ROR2: variants seen among roughly 807,000 people sequenced by gnomAD.
The protein encoded by ROR2 is tyrosine-protein kinase transmembrane receptor ROR2.
A neutral mutation model predicts 74.9 loss-of-function variants in ROR2; 33 were observed. The observed-to-expected ratio is 0.44, with a 90% CI of 0.33 to 0.59. The LOEUF (loss-of-function observed/expected upper bound fraction) is 0.59, where lower values mean the gene tolerates loss of function less well. Among genes scored for constraint, ROR2 ranks in the 20% least tolerant of loss-of-function variants. The probability of loss-of-function intolerance (pLI) is 0.02; values close to 1 mark genes in which losing one functional copy is unlikely to be tolerated. For synonymous variants in ROR2, 586 were observed against 558.7 expected (o/e 1.05, Z -0.69); for missense variants, 1,216 against 1,313.8 (o/e 0.93, Z 1.15).
At position 91,949,886 on chromosome 9, in the gene ROR2, G is replaced by T; in HGVS notation, c.78C>A (p.Leu26=). ...PAVWAAAALL[L]SVSRTSGEVE... ...TCCTACCTGAAGTCCGGGACACTGA[G>T]AGCAGAAGCGCGGCGGCCGCCCAGA... The change falls in exon 1 of 9, where the codon CTC becomes CTA. Residue 26 remains leucine, a synonymous_variant. Coordinates refer to ENST00000375708, the MANE Select transcript of ROR2 (RefSeq NM_004560.4). The T allele has an allele frequency of 6.5e-7, 1 of 1,540,868 alleles. No homozygotes were observed. The highest frequency in any genetic ancestry group is 1.2e-5 in the South Asian group (1 of 83,768).
At chr9:91,930,544 T>G (rs1831523645) in intron 1 of ROR2, among the ~76,000 whole-genome samples, 1 of 152,198 alleles carries the variant, frequency 6.6e-6, no homozygotes, top group Non-Finnish European at 1.5e-5. Flanking sequence ...CAGAAGTAAA[T>G]GTGCCTTGCT....
At chr9:91,785,304 CCT>C (rs1283833378) in intron 1 of ROR2, among the ~76,000 whole-genome samples, 1 of 152,212 alleles carries the variant, frequency 6.6e-6, no homozygotes, top group Admixed American at 6.5e-5. Flanking sequence ...GTTTCAGGCC[CCT>C]GTTTCAATGT....
chr9:91,893,830 C>A (rs1354186086), intron 1 of ROR2, among the ~76,000 whole-genome samples: 2 of 152,152 alleles, frequency 1.3e-5, no homozygotes, highest in African/African-American at 2.4e-5. Flanking sequence ...AGACTTTTTA[C>A]CCAAAATAGC....
chr9:91,844,045 C>T (rs1296268648), intron 1 of ROR2, among the ~76,000 whole-genome samples: 2 of 152,208 alleles, frequency 1.3e-5, no homozygotes, highest in African/African-American at 4.8e-5. Context: ...TTTTTCATCC[C>T]TGCAGCGGGG....
intron 2 of ROR2, among the ~76,000 whole-genome samples, chr9:91,764,475 G>C (rs1587697087): frequency 6.6e-6 from 1 of 151,526 alleles, no homozygotes; most frequent in East Asian, 1.9e-4. Context: ...TAAGTGGCTA[G>C]CTTAACTACT....
At position 91,723,122 on chromosome 9, in the gene ROR2, AG is replaced by A; in HGVS notation, c.*539del. 1 of 160,480 alleles carries A rather than the reference AG, an allele frequency of 6.2e-6. No individual in the cohort carries two copies. Among genetic ancestry groups the A allele is most frequent in the Non-Finnish European group, 1.4e-5 (1 of 72,680 alleles). 9.9% of individuals were successfully genotyped at this position (160,480 alleles called of 1,614,324 possible). On this transcript the variant is annotated 3_prime_UTR_variant, in exon 9 of 9. Coordinates refer to ENST00000375708, the MANE Select transcript of ROR2 (RefSeq NM_004560.4). ...GTCTTCCGACCCCAACAGGCAGCAG[AG>A]GGCAGCCTCCGTTCCAGCGAATCTT...
intron 1 of ROR2, among the ~76,000 whole-genome samples, chr9:91,820,744 T>C (rs1828115628): frequency 6.6e-6 from 1 of 152,204 alleles, no homozygotes; most frequent in Admixed American, 6.5e-5. Context: ...TTAGGGTCTT[T>C]GCAAAGTTAA....
chr9:91,866,049 A>G (rs80173338), intron 1 of ROR2, among the ~76,000 whole-genome samples: 10,838 of 152,274 alleles, frequency 0.071, 452 homozygotes, highest in Middle Eastern at 0.13. Flanking sequence ...TGAAACAGTC[A>G]AAGAAGAAAT....
chr9:91,784,053 C>T (rs868633819), intron 1 of ROR2, among the ~76,000 whole-genome samples: 2 of 152,138 alleles, frequency 1.3e-5, no homozygotes, highest in African/African-American at 2.4e-5. Context: ...TCAGAAATCC[C>T]GCCACCTGCT....
intron 1 of ROR2, among the ~76,000 whole-genome samples, chr9:91,809,517 G>A (rs1827676110): frequency 6.6e-6 from 1 of 152,176 alleles, no homozygotes; most frequent in Non-Finnish European, 1.5e-5. Context: ...CTCTTAATAA[G>A]CCACTGACCC....
At chr9:91,865,170 C>T (rs1829591107) in intron 1 of ROR2, among the ~76,000 whole-genome samples, 1 of 152,126 alleles carries the variant, frequency 6.6e-6, no homozygotes, top group African/African-American at 2.4e-5. Flanking sequence ...GAGATCTCCA[C>T]GAGTTCTTTC....
At chr9:91,893,219 G>A (rs1019137652) in intron 1 of ROR2, among the ~76,000 whole-genome samples, 1 of 152,088 alleles carries the variant, frequency 6.6e-6, no homozygotes, top group African/African-American at 2.4e-5. Context: ...GGCTGAAGCT[G>A]GGCATGGTGG....
Position 91,926,543 on chromosome 9 carries a change from C to CAAAAAAAAAA in ROR2, c.97+23314_97+23323dup, listed in dbSNP as rs34550588. Reference sequence around the variant, plus strand: ...CCTGGGCGACAGAATGACTCCATCTCAAAAAAAAAAAAAAAAAGAAGACAT... The same window carrying CAAAAAAAAAA: ...CCTGGGCGACAGAATGACTCCATCTCAAAAAAAAAAAAAAAAAAAAAAAAAAAGAAGACAT... On this transcript the variant is annotated intron_variant, in intron 1 of 8. Coordinates refer to ENST00000375708, the MANE Select transcript of ROR2 (RefSeq NM_004560.4). 1.4e-3 allele frequency among the ~76,000 whole-genome samples: 144 copies of CAAAAAAAAAA among 101,046 alleles called. 3 individuals carry two copies. Among genetic ancestry groups the CAAAAAAAAAA allele is most frequent in the East Asian group, 3.2e-3 (11 of 3,456 alleles). 66.3% of individuals were successfully genotyped at this position (101,046 alleles called of 152,430 possible). A position where few individuals can be genotyped will look rare whatever the true frequency, so the allele number is the denominator to read the frequency against.
intron 1 of ROR2, among the ~76,000 whole-genome samples, chr9:91,895,231 T>C (rs1459813626): frequency 6.6e-6 from 1 of 152,220 alleles, no homozygotes; most frequent in African/African-American, 2.4e-5. Flanking sequence ...TATGGAGTCA[T>C]GTGATTGCCA....
At position 91,733,084 on chromosome 9, in the gene ROR2, GC is replaced by G. The variant is rs1564237590; in HGVS notation, c.937+37del. The G allele has an allele frequency of 3.2e-6, 5 of 1,541,628 alleles. No individual in the cohort carries two copies. The highest frequency in any genetic ancestry group is 1.4e-5 in the African/African-American group (1 of 73,450). ...ACATTTCAAGGGCCCTACACTCCCT[GC>G]GCCCCCCGGTCCCGCCCCGGGCCCT... On this transcript the variant is annotated intron_variant, in intron 6 of 8. Coordinates refer to ENST00000375708, the MANE Select transcript of ROR2 (RefSeq NM_004560.4). The surrounding 1 kb of genome is among the most constrained non-coding windows in gnomAD (Gnocchi z 5.7).
intron 1 of ROR2, among the ~76,000 whole-genome samples, chr9:91,910,661 T>C (rs1830952882): frequency 6.8e-6 from 1 of 146,480 alleles, no homozygotes; most frequent in Non-Finnish European, 1.5e-5. Flanking sequence ...ACATAAAATA[T>C]GTAATACTTT....
chr9:91,799,234 A>G (rs926665063), intron 1 of ROR2, among the ~76,000 whole-genome samples: 1 of 152,122 alleles, frequency 6.6e-6, no homozygotes, highest in Admixed American at 6.6e-5. Flanking sequence ...CCCAGGGGAC[A>G]CTGCCAAAGC....
chr9:91,757,691 C>A (rs199764908), intron 2 of ROR2, 132 bp from the exon 3 acceptor site: 3 of 926,500 alleles, frequency 3.2e-6, no homozygotes, highest in Non-Finnish European at 5.0e-6. Context: ...AGGTTGTTAT[C>A]TGCGGTAATT....
At chr9:91,817,325 C>T (rs963235257) in intron 1 of ROR2, among the ~76,000 whole-genome samples, 1 of 152,224 alleles carries the variant, frequency 6.6e-6, no homozygotes, top group Non-Finnish European at 1.5e-5. Context: ...GGCAGGAGAC[C>T]TTCGTGGGGT....
Sources: allele counts gnomAD v4.1 joint callset (sites outside exome capture counted in the v4.1 genomes callset), GRCh38; gene constraint gnomAD v4.1.1; non-coding constraint Gnocchi (gnomAD v3.1); transcripts MANE v1.5; gene names NCBI Gene and HGNC (gene_info 2026-07-23, HGNC 2026-07-21).